Variants in LMBRD2 observed in about 807,000 individuals in gnomAD.
LMBRD2 encodes the protein G protein-coupled receptor-associated protein LMBRD2.
In LMBRD2, 55 loss-of-function variants were observed where a neutral mutation model predicts 94.4. The ratio of observed to expected loss-of-function variants is 0.58; its 90% CI spans 0.47 to 0.73. LMBRD2 has a LOEUF of 0.73. Among genes scored for constraint, LMBRD2 ranks in the 30% least tolerant of loss-of-function variants. The probability of loss-of-function intolerance (pLI) is 0.00; values close to 1 mark genes in which losing one functional copy is unlikely to be tolerated. For missense variants in LMBRD2, 640 were observed against 831.9 expected (o/e 0.77, Z 2.84); for synonymous variants, 246 against 272.4 (o/e 0.90, Z 0.95).
intron 3 of LMBRD2, among the ~76,000 whole-genome samples, chr5:36,141,757 C>A (rs981817253): frequency 2.6e-4 from 40 of 152,170 alleles, no homozygotes; most frequent in Non-Finnish European, 4.9e-4. Flanking sequence ...AGTCTCTGAT[C>A]ATAAATTCTG....
intron 6 of LMBRD2, among the ~76,000 whole-genome samples, chr5:36,127,333 A>T (rs1024201060): frequency 6.6e-6 from 1 of 152,228 alleles, no homozygotes. Context: ...GCTGAACAGA[A>T]GTCTCCACTG....
At chr5:36,136,259 G>A (rs1561521113) in intron 6 of LMBRD2, 50 bp downstream of exon 6, 1 of 1,539,622 alleles carries the variant, frequency 6.5e-7, no homozygotes, top group Non-Finnish European at 9.0e-7. Context: ...GACTAAAAGG[G>A]GATACATATG....
intron 6 of LMBRD2, among the ~76,000 whole-genome samples, chr5:36,130,614 CT>C (rs1744130056): frequency 6.6e-6 from 1 of 152,110 alleles, no homozygotes; most frequent in African/African-American, 2.4e-5. Flanking sequence ...GAACTAAACT[CT>C]TCAATCAAAA....
rs776310799 is a variant in LMBRD2, at chr5:36,115,012, T to C, written c.1542+3A>G. ...AGGAATTCTATTTTCTGACCGTACTTACAGATGTATAAGCAGTTGGTTGAG... is the reference window on the plus strand; with the variant it reads ...AGGAATTCTATTTTCTGACCGTACTCACAGATGTATAAGCAGTTGGTTGAG... On this transcript the variant is annotated splice_donor_region_variant and intron_variant, in intron 12 of 17. Coordinates refer to ENST00000296603, the MANE Select transcript of LMBRD2 (RefSeq NM_001007527.2). 6 of 1,544,650 alleles carry C rather than the reference T, an allele frequency of 3.9e-6. No individual in the cohort carries two copies. In the South Asian group the frequency reaches 6.8e-5, roughly 17 times the overall value.
intron 7 of LMBRD2, 108 bp from the exon 8 acceptor site, chr5:36,123,069 C>A: frequency 8.9e-7 from 1 of 1,119,790 alleles, no homozygotes. Context: ...TTCTCAAAAA[C>A]ATCTTCCTAC....
At chr5:36,128,667 G>C (rs1744064992) in intron 6 of LMBRD2, among the ~76,000 whole-genome samples, 1 of 152,110 alleles carries the variant, frequency 6.6e-6, no homozygotes, top group Admixed American at 6.5e-5. Context: ...GGAGACTGCA[G>C]TGAGCCAAAA....
chr5:36,122,567 T>A, intron 8 of LMBRD2, 104 bp from the exon 9 acceptor site: 1 of 1,030,568 alleles, frequency 9.7e-7, no homozygotes, highest in South Asian at 1.5e-5. Flanking sequence ...GGGAAAGTGC[T>A]AGGGCATTTA....
Position 36,117,734 on chromosome 5 carries a change from C to A in LMBRD2, c.1302+1G>T, listed in dbSNP as rs779535050. On this transcript the variant is annotated splice_donor_variant, in intron 10 of 17. Coordinates refer to ENST00000296603, the MANE Select transcript of LMBRD2 (RefSeq NM_001007527.2). LOFTEE classifies it high-confidence loss of function. Reference sequence around the variant, plus strand: ...TTATGACAGACATAAAATAAACTGACCTCGATATAAATATAATTATATGTT... The same window carrying A: ...TTATGACAGACATAAAATAAACTGAACTCGATATAAATATAATTATATGTT... The A allele has an allele frequency of 6.9e-6, 11 of 1,590,134 alleles. No homozygotes were observed. Among genetic ancestry groups the A allele is most frequent in the Non-Finnish European group, 9.4e-6 (11 of 1,165,342 alleles).
chr5:36,129,893 G>A (rs1744093495), intron 6 of LMBRD2, among the ~76,000 whole-genome samples: 1 of 152,132 alleles, frequency 6.6e-6, no homozygotes, highest in African/African-American at 2.4e-5. Flanking sequence ...GTAGGGACAT[G>A]GATGAAGCTG....
intron 6 of LMBRD2, among the ~76,000 whole-genome samples, chr5:36,132,615 A>T (rs1744180688): frequency 6.6e-6 from 1 of 151,578 alleles, no homozygotes; most frequent in African/African-American, 2.4e-5. Flanking sequence ...CTCCATGAGA[A>T]AAAAAATTTA....
chr5:36,132,644 G>A (rs1264238492), intron 6 of LMBRD2, among the ~76,000 whole-genome samples: 3 of 127,900 alleles, frequency 2.3e-5, no homozygotes, highest in Non-Finnish European at 4.9e-5. Context: ...ATTAAAAATG[G>A]GCAAAAGATT....
intron 10 of LMBRD2, among the ~76,000 whole-genome samples, chr5:36,117,256 T>A (rs959377759): frequency 2.0e-5 from 3 of 152,106 alleles, no homozygotes; most frequent in African/African-American, 4.8e-5. Context: ...AGCAGGACGA[T>A]CACTTGAGTG....
In LMBRD2 at chr5:36,151,727, CCAGA is replaced by C. The variant is rs1446044251; in HGVS notation, c.-233_-230del. The C allele has an allele frequency of 6.0e-6, 1 of 166,286 alleles. No individual in the cohort carries two copies. Among genetic ancestry groups the C allele is most frequent in the African/African-American group, 2.4e-5 (1 of 41,760 alleles). 10.3% of individuals were successfully genotyped at this position (166,286 alleles called of 1,614,324 possible). ...GCCTTAGGCTCACCGTCCGATCTCG[CCAGA>C]CAGCGTCTGGACGGGACCGGGAAAC... On this transcript the variant is annotated 5_prime_UTR_variant, in exon 1 of 18. Coordinates refer to ENST00000296603, the MANE Select transcript of LMBRD2 (RefSeq NM_001007527.2). This position sits in a 1 kb window ranked among gnomAD's most constrained non-coding sequence, Gnocchi z 4.7.
At position 36,103,808 on chromosome 5, in the gene LMBRD2, T is replaced by A. The variant is rs1397236159; in HGVS notation, c.*238A>T. On this transcript the variant is annotated 3_prime_UTR_variant, in exon 18 of 18. Transcript: ENST00000296603. ...TTTCTTAAAGTCCTTCCACTGTAAC[T>A]GTATTTCTAAGGCAGATGCTTAGGA... 3.1e-6 allele frequency: 1 copy of A among 317,552 alleles called. No homozygotes were observed. The allele number at this position is 317,552 out of a possible 1,614,324, so 19.7% of individuals were successfully genotyped here.
intron 10 of LMBRD2, 83 bp from the exon 11 acceptor site, chr5:36,116,676 C>G: frequency 7.1e-7 from 1 of 1,400,400 alleles, no homozygotes; most frequent in Non-Finnish European, 9.9e-7. Flanking sequence ...TCCTTCATTT[C>G]TTTTTCTTTT....
At chr5:36,116,656 A>C in intron 10 of LMBRD2, 63 bp from the exon 11 acceptor site, 1 of 1,463,216 alleles carries the variant, frequency 6.8e-7, no homozygotes, top group Non-Finnish European at 9.5e-7. Context: ...CTTAACAATT[A>C]CAGGCATTAT....
In LMBRD2 at chr5:36,117,944, G is replaced by T. The variant is rs1054391669; in HGVS notation, c.1121-28C>A. ...AGAAGACAAAAGAAAAAAATGATTA[G>T]GAAAACTACAAAAGAGTAATGGGAT... is the stretch of plus-strand genomic sequence containing the variant. On this transcript the variant is annotated intron_variant, in intron 9 of 17. Transcript: ENST00000296603. 3 of 1,513,994 alleles carry T rather than the reference G, an allele frequency of 2.0e-6. No homozygotes were observed. The African/African-American group carries it at 4.2e-5, about 21-fold the overall frequency. The allele number at this position is 1,513,994 out of a possible 1,614,324, so 93.8% of individuals were successfully genotyped here.
intron 1 of LMBRD2, among the ~76,000 whole-genome samples, chr5:36,145,327 C>G (rs1387096044): frequency 6.6e-6 from 1 of 152,154 alleles, no homozygotes; most frequent in Non-Finnish European, 1.5e-5. Context: ...CTGAACATTA[C>G]CAAATACTAC....
rs534878314 is a variant in LMBRD2, at chr5:36,129,954, G to A, written c.748-5689C>T. 1.6e-4 allele frequency among the ~76,000 whole-genome samples: 24 copies of A among 152,142 alleles called. No individual in the cohort carries two copies. The East Asian group carries it at 3.3e-3, about 21-fold the overall frequency. On this transcript the variant is annotated intron_variant, in intron 6 of 17. Coordinates refer to ENST00000296603, the MANE Select transcript of LMBRD2 (RefSeq NM_001007527.2). Reference sequence around the variant, plus strand: ...CGCAAGGACAAAAAAACCAAACACCGCATGTTCTCACTCATAGGTGGGAAC... The same window carrying A: ...CGCAAGGACAAAAAAACCAAACACCACATGTTCTCACTCATAGGTGGGAAC...
Sources: gnomAD v4.1 joint callset for allele counts (sites outside exome capture counted in the v4.1 genomes callset) on GRCh38, gnomAD v4.1.1 for gene constraint, Gnocchi (gnomAD v3.1) non-coding constraint, MANE v1.5 for transcripts, NCBI Gene and HGNC (gene_info 2026-07-23, HGNC 2026-07-21) for gene names.